Variants in GPM6A observed in about 807,000 individuals in gnomAD.
GPM6A encodes the protein glycoprotein M6A.
In GPM6A, 7 loss-of-function variants were observed where a neutral mutation model predicts 32.1. The observed-to-expected ratio is 0.22, with a 90% CI of 0.12 to 0.41. The LOEUF is 0.41. Ranked by LOEUF, GPM6A falls within the 10% of genes least tolerant of loss-of-function variation. The pLI, the probability that GPM6A is intolerant of heterozygous loss-of-function variation, is 1.00. For synonymous variants in GPM6A, 130 were observed against 123.4 expected (o/e 1.05, Z -0.35); for missense variants, 235 against 347.2 (o/e 0.68, Z 2.57).
At chr4:175,748,379 T>G (rs1732190301) in intron 1 of GPM6A, among the ~76,000 whole-genome samples, 1 of 152,188 alleles carries the variant, frequency 6.6e-6, no homozygotes, top group Admixed American at 6.6e-5. Flanking sequence ...AAAGTTGAAA[T>G]TACTCCTTGA....
At chr4:175,993,100 C>T (rs73873547) in intron 1 of GPM6A, among the ~76,000 whole-genome samples, 3,760 of 151,876 alleles carry the variant, frequency 0.025, 136 homozygotes, top group African/African-American at 0.084. Context: ...ACCTTGGACC[C>T]GTCCAAATTT....
At chr4:175,809,635 A>G (rs868704859) in intron 1 of GPM6A, among the ~76,000 whole-genome samples, 10 of 152,276 alleles carry the variant, frequency 6.6e-5, no homozygotes, top group African/African-American at 2.4e-4. Context: ...GAAGTCACCC[A>G]TACTGTTAAA....
rs117039245 is a variant in GPM6A, at chr4:175,975,365, A to C, written c.-23+26944T>G. On this transcript the variant is annotated intron_variant, in intron 1 of 7. Coordinates refer to the GPM6A transcript ENST00000280187. The stretch of plus-strand genomic sequence containing the variant: ...TTATTGGGTCATGTGGAATACCAAT[A>C]CCTGAGTTGCAGTTGTCTACTTGCC... Among the ~76,000 whole-genome samples the C allele has an allele frequency of 3.0e-3, 461 of 152,324 alleles. 12 individuals carry two copies. The highest frequency in any genetic ancestry group is 0.02 in the Admixed American group (303 of 15,308).
At chr4:175,935,915 G>A (rs915909473) in intron 1 of GPM6A, among the ~76,000 whole-genome samples, 3 of 151,810 alleles carry the variant, frequency 2.0e-5, no homozygotes, top group African/African-American at 7.3e-5. Context: ...ATTTGTTACA[G>A]CAATTGTTTG....
intron 2 of GPM6A, among the ~76,000 whole-genome samples, chr4:175,683,923 C>T (rs1298687588): frequency 1.3e-5 from 2 of 151,920 alleles, no homozygotes; most frequent in Non-Finnish European, 2.9e-5. Flanking sequence ...CCTCCACCTC[C>T]TGGGTTCAAG....
intron 6 of GPM6A, among the ~76,000 whole-genome samples, chr4:175,639,470 G>T (rs1741009540): frequency 6.6e-6 from 1 of 152,098 alleles, no homozygotes; most frequent in Admixed American, 6.6e-5. Flanking sequence ...TACAAACAAA[G>T]ACTGAAGATA....
chr4:175,927,155 G>C (rs1738868867), intron 1 of GPM6A, among the ~76,000 whole-genome samples: 1 of 152,204 alleles, frequency 6.6e-6, no homozygotes. Context: ...GTTAAGTTTG[G>C]AGACCAACAC....
At chr4:175,641,458 T>A (rs1560845795) in intron 4 of GPM6A, 1 of 152,270 alleles carries the variant, frequency 6.6e-6, no homozygotes, top group East Asian at 1.9e-4. Flanking sequence ...CCTAGAACAC[T>A]GCATTTTTAA....
chr4:175,932,371 C>T (rs1166639837), intron 1 of GPM6A, among the ~76,000 whole-genome samples: 2 of 152,162 alleles, frequency 1.3e-5, no homozygotes. Context: ...TTTCTTCCCT[C>T]CAGACGATGG....
intron 1 of GPM6A, among the ~76,000 whole-genome samples, chr4:175,902,216 T>G (rs1320672187): frequency 1.3e-5 from 2 of 152,106 alleles, no homozygotes; most frequent in Non-Finnish European, 2.9e-5. Flanking sequence ...TCATAACCAT[T>G]ATGCTGAATG....
intron 1 of GPM6A, among the ~76,000 whole-genome samples, chr4:175,789,276 G>A (rs1733916534): frequency 6.6e-6 from 1 of 151,966 alleles, no homozygotes; most frequent in East Asian, 1.9e-4. Context: ...TATTTTTATA[G>A]TTGATATCCA....
intron 1 of GPM6A, among the ~76,000 whole-genome samples, chr4:175,913,819 C>G (rs1208073577): frequency 6.6e-6 from 1 of 152,156 alleles, no homozygotes; most frequent in Non-Finnish European, 1.5e-5. Flanking sequence ...ATTCTCCAAC[C>G]AACTTCCTTC....
chr4:175,707,429 AAC>A (rs1422526248), intron 1 of GPM6A, among the ~76,000 whole-genome samples: 2 of 152,220 alleles, frequency 1.3e-5, no homozygotes, highest in Non-Finnish European at 2.9e-5. Flanking sequence ...CAATTTTAAA[AAC>A]AGTTTGTCTG....
chr4:175,637,479 A>G (rs1251130303), intron 6 of GPM6A, among the ~76,000 whole-genome samples: 1 of 95,264 alleles, frequency 1.0e-5, no homozygotes, highest in Non-Finnish European at 1.9e-5. Flanking sequence ...GTAACCTCAT[A>G]TATATATGAC....
Position 175,633,835 on chromosome 4 carries a change from G to T in GPM6A, c.*1070C>A, listed in dbSNP as rs1379129796. On this transcript the variant is annotated 3_prime_UTR_variant, in exon 7 of 7. Coordinates refer to ENST00000393658, the MANE Select transcript of GPM6A (RefSeq NM_201591.3). ...TGACCACACTTTATAAAACACTACA[G>T]GTAAACCAACATAGATTGGAAGGCT... 6.6e-6 allele frequency: 1 copy of T among 152,378 alleles called. No homozygotes were observed. Among genetic ancestry groups the T allele is most frequent in the Non-Finnish European group, 1.5e-5 (1 of 67,924 alleles). 9.4% of individuals were successfully genotyped at this position (152,378 alleles called of 1,614,324 possible). A position where few individuals can be genotyped will look rare whatever the true frequency, so the allele number is the denominator to read the frequency against.
intron 1 of GPM6A, among the ~76,000 whole-genome samples, chr4:175,973,152 C>T (rs1017646164): frequency 6.6e-6 from 1 of 152,154 alleles, no homozygotes; most frequent in African/African-American, 2.4e-5. Context: ...GATGCAACAT[C>T]TTCTAAAGTC....
At chr4:175,671,547 G>A (rs1265840673) in intron 3 of GPM6A, among the ~76,000 whole-genome samples, 1 of 144,316 alleles carries the variant, frequency 6.9e-6, no homozygotes, top group Non-Finnish European at 1.5e-5. Context: ...GGAGAGGGTG[G>A]ACGATAAATC....
In GPM6A at chr4:175,725,294, TG is replaced by T. The variant is rs1359982315; in HGVS notation, c.38-23528del. Among the ~76,000 whole-genome samples, 35 of 79,342 alleles carry T rather than the reference TG, an allele frequency of 4.4e-4. No homozygotes were observed. In the East Asian group the frequency reaches 7.6e-3, roughly 17 times the overall value. The allele number at this position is 79,342 out of a possible 152,430, so 52.1% of individuals were successfully genotyped here. A position where few individuals can be genotyped will look rare whatever the true frequency, so the allele number is the denominator to read the frequency against. On this transcript the variant is annotated intron_variant, in intron 1 of 6. Coordinates refer to ENST00000393658, the MANE Select transcript of GPM6A (RefSeq NM_201591.3). ...TTTAATGCATTATGTTTTGGGTTTT[TG>T]TTTTTTTTTTTTTTGCAACAGAGTC...
chr4:175,647,473 A>G (rs1741526351), intron 4 of GPM6A, among the ~76,000 whole-genome samples: 1 of 152,222 alleles, frequency 6.6e-6, no homozygotes, highest in Non-Finnish European at 1.5e-5. Context: ...TATGCTATCT[A>G]TAAATCCTCC....
Sources: gnomAD v4.1 joint callset for allele counts (sites outside exome capture counted in the v4.1 genomes callset) on GRCh38, gnomAD v4.1.1 for gene constraint, MANE v1.5 for transcripts, NCBI Gene and HGNC (gene_info 2026-07-23, HGNC 2026-07-21) for gene names.